ALPK1: variants seen among roughly 807,000 people sequenced by gnomAD.
ALPK1 encodes alpha-protein kinase 1.
A neutral mutation model predicts 120.6 loss-of-function variants in ALPK1; 110 were observed. The ratio of observed to expected loss-of-function variants is 0.91; its 90% CI spans 0.78 to 1.07. The LOEUF (loss-of-function observed/expected upper bound fraction) is 1.07. Among genes scored for constraint, ALPK1 ranks in the 50% least tolerant of loss-of-function variants. ALPK1 has a pLI of 0.00. For synonymous variants in ALPK1, 582 were observed against 560.3 expected, an observed-to-expected ratio of 1.04 and a Z score of -0.55; for missense variants, 1,498 against 1,483.9, an observed-to-expected ratio of 1.01 and a Z score of -0.16.
At position 112,368,077 on chromosome 4, in the gene ALPK1, C is replaced by T. The variant is rs192118984; in HGVS notation, c.-100-9601C>T. Among the ~76,000 whole-genome samples the T allele has an allele frequency of 2.0e-3, 301 of 152,132 alleles. 8 individuals are homozygous for T. The highest frequency in any genetic ancestry group is 0.018 in the Admixed American group (277 of 15,284). On this transcript the variant is annotated intron_variant, in intron 2 of 15. Transcript: ENST00000650871. ...TGCACCACCACGCGCACCACCACGC[C>T]TGGCTAATTTTTGTATTTTTAGTAG... is the stretch of plus-strand genomic sequence containing the variant.
chr4:112,390,833 C>T (rs909456645), intron 4 of ALPK1, among the ~76,000 whole-genome samples: 2 of 152,146 alleles, frequency 1.3e-5, no homozygotes, highest in East Asian at 3.9e-4. Context: ...AAGTAATCAC[C>T]TGAAGAAGAT....
chr4:112,348,879 G>T (rs188067943), intron 2 of ALPK1, among the ~76,000 whole-genome samples: 1 of 152,134 alleles, frequency 6.6e-6, no homozygotes, highest in Non-Finnish European at 1.5e-5. Flanking sequence ...TGTGTGTCTC[G>T]GAGCAAAGGA....
rs1288034360 is a variant in ALPK1, at chr4:112,430,723, C to T, written c.1176C>T (p.Phe392=). ...AAGCAATGGGGAAGCTGTACAATTT[C>T]AGCACTTCCTCCAGAAGTCAGGACA... ...CKEAMGKLYN[F]STSSRSQDRE... The change falls in exon 11 of 16, where the codon TTC becomes TTT. Residue 392 remains phenylalanine (F), a synonymous_variant. Coordinates refer to ENST00000650871, the MANE Select transcript of ALPK1 (RefSeq NM_025144.4). 1.9e-6 allele frequency: 3 copies of T among 1,614,224 alleles called. No homozygotes were observed. The highest frequency in any genetic ancestry group is 2.5e-6 in the Non-Finnish European group (3 of 1,180,048).
intron 1 of ALPK1, among the ~76,000 whole-genome samples, chr4:112,311,991 TA>T (rs1231747831): frequency 3.3e-5 from 5 of 151,960 alleles, no homozygotes; most frequent in Non-Finnish European, 5.9e-5. Flanking sequence ...GTTTTTTTTC[TA>T]AATCATTTCT....
chr4:112,409,464 A>G (rs183259715), intron 4 of ALPK1, among the ~76,000 whole-genome samples: 51 of 152,248 alleles, frequency 3.3e-4, no homozygotes, highest in Admixed American at 7.8e-4. Flanking sequence ...TAATTCTAAT[A>G]CAGGGTAAGT....
rs1360324536 is a variant in ALPK1, at chr4:112,441,227, G to A, written c.*17G>A. ...GGCACATAGAATACGGCACAGTCTG[G>A]TCCTTTGGGGCTTGGGCAGGGCCGT... On this transcript the variant is annotated 3_prime_UTR_variant, in exon 16 of 16. Coordinates refer to ENST00000650871, the MANE Select transcript of ALPK1 (RefSeq NM_025144.4). 2 of 1,540,566 alleles carry A rather than the reference G, an allele frequency of 1.3e-6. No individual in the cohort carries two copies. Among genetic ancestry groups the A allele is most frequent in the Non-Finnish European group, 1.8e-6 (2 of 1,113,054 alleles).
Position 112,430,789 on chromosome 4 carries a change from G to C in ALPK1, c.1242G>C (p.Gln414His), listed in dbSNP as rs1368624814. The C allele has an allele frequency of 5.6e-6, 9 of 1,614,066 alleles. No individual in the cohort carries two copies. Among genetic ancestry groups the C allele is most frequent in the African/African-American group, 1.3e-5 (1 of 74,926 alleles). The change falls in exon 11 of 16, where the codon CAG becomes CAC. Residue 414 changes from glutamine (Q) to histidine (H), a missense_variant. Coordinates refer to ENST00000650871, the MANE Select transcript of ALPK1 (RefSeq NM_025144.4). ...AAGAAGTTATGTCTGTGATTGCCCA[G>C]GTGAAGGAACATTTACAAGTTCAAA... ...LSQEVMSVIA[Q>H]VKEHLQVQSF...
intron 5 of ALPK1, among the ~76,000 whole-genome samples, chr4:112,421,806 T>C (rs1219766404): frequency 1.3e-5 from 2 of 152,210 alleles, no homozygotes; most frequent in Non-Finnish European, 2.9e-5. Context: ...AAATCTCTTT[T>C]TCCTTCTTCA....
At chr4:112,378,941 A>G (rs1166495375) in intron 3 of ALPK1, among the ~76,000 whole-genome samples, 2 of 152,184 alleles carry the variant, frequency 1.3e-5, no homozygotes, top group African/African-American at 4.8e-5. Context: ...TGATACACCA[A>G]TGTGTGACTT....
At chr4:112,341,606 A>C (rs1315892830) in intron 2 of ALPK1, among the ~76,000 whole-genome samples, 4 of 152,136 alleles carry the variant, frequency 2.6e-5, no homozygotes, top group African/African-American at 9.7e-5. Context: ...CTCCTCAATT[A>C]TTCTCCTTTT....
At chr4:112,317,874 T>C (rs1368645743) in intron 2 of ALPK1, among the ~76,000 whole-genome samples, 1 of 152,180 alleles carries the variant, frequency 6.6e-6, no homozygotes, top group Non-Finnish European at 1.5e-5. Context: ...AAATGTTACT[T>C]ATTATCCAAG....
rs201917945 is a variant in ALPK1 at position 112,432,079 on chromosome 4, C to T, written c.2532C>T (p.Ile844=). The T allele has an allele frequency of 6.9e-5, 111 of 1,614,102 alleles. No homozygotes were observed. The Admixed American group carries it at 9.0e-4, about 13-fold the overall frequency. ...GTGGCCCAGTCGCAGAGCAGGGCAT[C>T]GACCCTGATGCCTCCACAGTGGATG... The part of the protein sequence containing the change: ...KSGGPVAEQG[I]DPDASTVDEE... Residue 844 remains isoleucine, a synonymous_variant, in exon 11 of 16, where the codon ATC becomes ATT. Transcript: ENST00000650871.
In ALPK1 at chr4:112,439,655, T is replaced by C. The variant is rs372761889; in HGVS notation, c.3352-31T>C. The stretch of plus-strand genomic sequence containing the variant: ...CCAAAGACAATGGCCTTTACCATTA[T>C]GCTGTAATGTTTCTCATTGCTATTT... On this transcript the variant is annotated intron_variant, in intron 13 of 15. Coordinates refer to ENST00000650871, the MANE Select transcript of ALPK1 (RefSeq NM_025144.4). 8.3e-6 allele frequency: 13 copies of C among 1,571,468 alleles called. 1 individual carries two copies. In the South Asian group the frequency reaches 1.3e-4, roughly 16 times the overall value.
At chr4:112,337,883 A>C (rs890196952) in intron 2 of ALPK1, among the ~76,000 whole-genome samples, 3 of 152,220 alleles carry the variant, frequency 2.0e-5, no homozygotes, top group Non-Finnish European at 4.4e-5. Context: ...ATGTTCAGTA[A>C]TAAGTTTAAA....
intron 3 of ALPK1, 129 bp from the exon 4 acceptor site, chr4:112,382,269 G>C (rs1013080579): frequency 9.0e-7 from 1 of 1,116,580 alleles, no homozygotes; most frequent in Non-Finnish European, 1.2e-6. Flanking sequence ...GCCAGCAAGA[G>C]GCAGGGAAAA....
intron 2 of ALPK1, among the ~76,000 whole-genome samples, chr4:112,372,887 A>G (rs1029496200): frequency 3.3e-5 from 5 of 152,164 alleles, no homozygotes; most frequent in Non-Finnish European, 5.9e-5. Context: ...AAGAAAACAT[A>G]AGCCTTTAGA....
rs1447951650 is a variant in ALPK1, at chr4:112,423,952, T to G, written c.484T>G (p.Leu162Val). The G allele has an allele frequency of 1.2e-6, 2 of 1,613,948 alleles. No individual in the cohort carries two copies. Among genetic ancestry groups the G allele is most frequent in the South Asian group, 1.1e-5 (1 of 91,034 alleles). ...TGGTTGCTGCTTTTCAGGAAAACTT[T>G]TAAAAGCAGAGTATATTCTGAGCAG... Reference protein sequence around the residue: ...ARISVNSGKLLKAEYILSSLI... With the variant: ...ARISVNSGKLVKAEYILSSLI... The change falls in exon 6 of 16, where the codon TTA (leucine) becomes GTA (valine). Residue 162 changes from leucine to valine, a missense_variant. By Grantham distance (32) the Leu-to-Val change is conservative. Transcript: ENST00000650871.
intron 6 of ALPK1, chr4:112,425,432 CA>C (rs1417894619): frequency 6.5e-6 from 2 of 308,860 alleles, no homozygotes; most frequent in East Asian, 1.3e-4. Flanking sequence ...AACAAGGAGG[CA>C]AAATAAAGTA....
At chr4:112,390,183 A>G (rs1476953318) in intron 4 of ALPK1, among the ~76,000 whole-genome samples, 1 of 152,164 alleles carries the variant, frequency 6.6e-6, no homozygotes, top group Non-Finnish European at 1.5e-5. Flanking sequence ...CCCCTGCTGC[A>G]TCATCTCCAT....
Sources: allele counts gnomAD v4.1 joint callset (sites outside exome capture counted in the v4.1 genomes callset), GRCh38; gene constraint gnomAD v4.1.1; transcripts MANE v1.5; gene names NCBI Gene and HGNC (gene_info 2026-07-23, HGNC 2026-07-21).